The following PAK5 variants were observed in gnomAD, a reference collection of about 807,000 sequenced individuals.
The protein encoded by PAK5 is p21 (RAC1) activated kinase 5, also known as serine/threonine-protein kinase PAK 5.
PAK5 carries 16 observed loss-of-function variants against 65.9 expected under a neutral mutation model. The ratio of observed to expected loss-of-function variants is 0.24; its 90% CI spans 0.16 to 0.37. The LOEUF (loss-of-function observed/expected upper bound fraction) is 0.37, where lower values mean the gene tolerates loss of function less well. Ranked by LOEUF, PAK5 falls within the 10% of genes least tolerant of loss-of-function variation. The probability of loss-of-function intolerance (pLI) is 1.00; values close to 1 mark genes in which losing one functional copy is unlikely to be tolerated. For missense variants in PAK5, 785 were observed against 903.9 expected, an observed-to-expected ratio of 0.87 and a Z score of 1.69; for synonymous variants, 371 against 354.9, an observed-to-expected ratio of 1.05 and a Z score of -0.51.
At chr20:9,643,868 A>C (rs1441715120) in intron 3 of PAK5, among the ~76,000 whole-genome samples, 1 of 152,240 alleles carries the variant, frequency 6.6e-6, no homozygotes, top group Non-Finnish European at 1.5e-5. Context: ...AGTCGAAATA[A>C]AAATGTCCTA....
intron 2 of PAK5, among the ~76,000 whole-genome samples, chr20:9,666,108 G>A (rs2047413606): frequency 6.6e-6 from 1 of 152,100 alleles, no homozygotes; most frequent in Non-Finnish European, 1.5e-5. Flanking sequence ...GAAGAAGAAG[G>A]GAAGGAGGAA....
chr20:9,766,447 T>A, intron 1 of PAK5, among the ~76,000 whole-genome samples: 1 of 23,880 alleles, frequency 4.2e-5, no homozygotes, highest in African/African-American at 2.4e-4. Context: ...AATATATATG[T>A]ATATATATAT....
chr20:9,564,392 C>A (rs1430885871), intron 5 of PAK5, among the ~76,000 whole-genome samples: 1 of 152,090 alleles, frequency 6.6e-6, no homozygotes, highest in Non-Finnish European at 1.5e-5. Flanking sequence ...AATGCTAGCA[C>A]CCTAATTGAA....
rs1044743343 is a variant in PAK5 at position 9,574,973 on chromosome 20, G to A, written c.990+5172C>T. ...AGGGATCCTCAGTAGAAAAGAAGTT[G>A]CTGTTCTGTTGTTGGAGCCATGGTT... On this transcript the variant is annotated intron_variant, in intron 4 of 9. Transcript: ENST00000353224. 4.4e-4 allele frequency among the ~76,000 whole-genome samples: 67 copies of A among 152,290 alleles called. No homozygotes were observed. The Middle Eastern group carries it at 0.01, about 23-fold the overall frequency.
chr20:9,748,647 A>G (rs926649863), intron 1 of PAK5, among the ~76,000 whole-genome samples: 4 of 152,160 alleles, frequency 2.6e-5, no homozygotes, highest in Admixed American at 2.6e-4. Flanking sequence ...CACAAATCTT[A>G]AGTGTATGGC....
intron 2 of PAK5, among the ~76,000 whole-genome samples, chr20:9,678,866 G>T (rs1232118999): frequency 1.3e-5 from 2 of 152,158 alleles, no homozygotes; most frequent in Non-Finnish European, 2.9e-5. Flanking sequence ...GACACATGGG[G>T]ATTATGGGAA....
intron 1 of PAK5, among the ~76,000 whole-genome samples, chr20:9,774,709 C>G (rs2048868518): frequency 6.6e-6 from 1 of 151,978 alleles, no homozygotes; most frequent in Non-Finnish European, 1.5e-5. Flanking sequence ...GACGGACGAC[C>G]AAGGTGGGCA....
intron 2 of PAK5, among the ~76,000 whole-genome samples, chr20:9,691,385 G>T (rs2047795279): frequency 1.3e-5 from 2 of 152,104 alleles, no homozygotes; most frequent in Admixed American, 1.3e-4. Context: ...TAGAATTAAA[G>T]GTGATCCAAA....
intron 1 of PAK5, among the ~76,000 whole-genome samples, chr20:9,818,481 T>C (rs576694633): frequency 6.6e-6 from 1 of 152,294 alleles, no homozygotes; most frequent in South Asian, 2.1e-4. Context: ...CGAATATCAC[T>C]GAAACACCCT....
chr20:9,740,573 T>C (rs563675644), intron 1 of PAK5, among the ~76,000 whole-genome samples: 19 of 152,208 alleles, frequency 1.2e-4, no homozygotes, highest in South Asian at 8.3e-4. Context: ...TAAGACTACA[T>C]CTTGAGAGAC....
At chr20:9,760,690 T>C (rs1405538142) in intron 1 of PAK5, among the ~76,000 whole-genome samples, 1 of 149,710 alleles carries the variant, frequency 6.7e-6, no homozygotes, top group African/African-American at 2.5e-5. Flanking sequence ...TTTTTTTTTT[T>C]AGACAGAGTA....
intron 4 of PAK5, chr20:9,577,393 G>GTGTGTACACACACACACA (rs1691082156): frequency 6.6e-6 from 1 of 150,828 alleles, no homozygotes; most frequent in African/African-American, 2.5e-5. Flanking sequence ...ACACACACAC[G>GTGTGTACACACACACACA]TGTGTACACA....
At chr20:9,749,921 C>T (rs2048555130) in intron 1 of PAK5, among the ~76,000 whole-genome samples, 1 of 152,136 alleles carries the variant, frequency 6.6e-6, no homozygotes, top group Non-Finnish European at 1.5e-5. Flanking sequence ...CGTCCTCAGG[C>T]CAGATTTTGA....
chr20:9,651,020 G>A (rs908947724), intron 2 of PAK5, among the ~76,000 whole-genome samples: 3 of 152,074 alleles, frequency 2.0e-5, no homozygotes, highest in Admixed American at 1.3e-4. Context: ...AAAGGGTAAC[G>A]GCAAAAGAAT....
chr20:9,787,148 G>A (rs1345020316), intron 1 of PAK5, among the ~76,000 whole-genome samples: 2 of 152,266 alleles, frequency 1.3e-5, no homozygotes, highest in South Asian at 2.1e-4. Flanking sequence ...CTCTTACCAT[G>A]AGCATGAAGT....
chr20:9,701,051 G>A (rs537952390), intron 2 of PAK5, among the ~76,000 whole-genome samples: 43 of 152,172 alleles, frequency 2.8e-4, no homozygotes, highest in Non-Finnish European at 4.0e-4. Context: ...ACAGGCCTAC[G>A]TTTCCCTCTT....
chr20:9,812,762 A>C (rs1227862174), intron 1 of PAK5, among the ~76,000 whole-genome samples: 1 of 152,208 alleles, frequency 6.6e-6, no homozygotes, highest in African/African-American at 2.4e-5. Context: ...CAATAGGGTG[A>C]CTACATTTAA....
At chr20:9,598,081 C>T (rs953553504) in intron 3 of PAK5, among the ~76,000 whole-genome samples, 1 of 152,206 alleles carries the variant, frequency 6.6e-6, no homozygotes. Context: ...GCCCTGCATG[C>T]ATTAGCTACT....
At chr20:9,773,435 G>C (rs2048855552) in intron 1 of PAK5, among the ~76,000 whole-genome samples, 1 of 151,520 alleles carries the variant, frequency 6.6e-6, no homozygotes, top group Admixed American at 6.6e-5. Context: ...TCCCCTTCCT[G>C]TGTCCAAGTG....
Sources: allele counts gnomAD v4.1 joint callset (sites outside exome capture counted in the v4.1 genomes callset), GRCh38; gene constraint gnomAD v4.1.1; transcripts MANE v1.5; gene names NCBI Gene and HGNC (gene_info 2026-07-23, HGNC 2026-07-21).